Variants in GRIP1 observed in about 807,000 individuals in gnomAD.
GRIP1 encodes the protein glutamate receptor interacting protein 1, also known as glutamate receptor-interacting protein 1.
In GRIP1, 45 loss-of-function variants were observed where a neutral mutation model predicts 129.9. The observed-to-expected ratio is 0.35, with a 90% CI of 0.27 to 0.44. The LOEUF (loss-of-function observed/expected upper bound fraction) is 0.44. GRIP1 is among the 20% of genes least tolerant of loss of function. GRIP1 has a pLI of 1.00. For missense variants in GRIP1, 1,196 were observed against 1,396.8 expected (o/e 0.86, Z 2.29); for synonymous variants, 530 against 520.8 (o/e 1.02, Z -0.24).
At chr12:67,026,368 G>C (rs1365939824) in intron 1 of GRIP1, among the ~76,000 whole-genome samples, 1 of 151,992 alleles carries the variant, frequency 6.6e-6, no homozygotes, top group Non-Finnish European at 1.5e-5. Context: ...TCTCAAGCTT[G>C]TTTTCTACTT....
intron 1 of GRIP1, among the ~76,000 whole-genome samples, chr12:66,737,361 G>T (rs2036638474): frequency 6.6e-6 from 1 of 152,080 alleles, no homozygotes; most frequent in South Asian, 2.1e-4. Flanking sequence ...TCAGCTCATT[G>T]CAACCTCCGC....
chr12:66,834,503 C>T (rs2039575150), intron 1 of GRIP1, among the ~76,000 whole-genome samples: 1 of 152,106 alleles, frequency 6.6e-6, no homozygotes, highest in South Asian at 2.1e-4. Flanking sequence ...AATTAAGGGT[C>T]GCCCTTAGGA....
intron 1 of GRIP1, among the ~76,000 whole-genome samples, chr12:66,617,637 T>A (rs991606456): frequency 6.6e-6 from 1 of 152,062 alleles, no homozygotes; most frequent in African/African-American, 2.4e-5. Context: ...AGCTCAGTTT[T>A]TAAGATATTC....
At position 66,541,836 on chromosome 12, in the gene GRIP1, C is replaced by T. The variant is rs367921418; in HGVS notation, c.251G>A (p.Arg84Gln). The change falls in exon 3 of 25, where the codon CGG becomes CAG. Residue 84 changes from arginine to glutamine, a missense_variant. Physicochemically the swap from Arg to Gln is conservative, Grantham distance 43. Around this residue, in one of 5 missense-constraint regions of GRIP1, gnomAD observed 217 missense variants for 224.8 expected, o/e 0.97. Coordinates refer to ENST00000359742, the MANE Select transcript of GRIP1 (RefSeq NM_001366722.1). ...TTACCTAGCAGCAATTCCTCCTTGC[C>T]GCAGATTAGATACTCTTGGCTTGCC... Reference protein sequence around the residue: ...KDGKPRVSNLRQGGIAARSDQ... With the variant: ...KDGKPRVSNLQQGGIAARSDQ... 3.7e-6 allele frequency: 6 copies of T among 1,613,974 alleles called. No homozygotes were observed. Among genetic ancestry groups the T allele is most frequent in the Non-Finnish European group, 5.1e-6 (6 of 1,179,880 alleles).
rs188172700 is a variant in GRIP1 at position 66,553,192 on chromosome 12, G to A, written c.137-11242C>T. 5.3e-5 allele frequency among the ~76,000 whole-genome samples: 8 copies of A among 152,282 alleles called. No homozygotes were observed. In the East Asian group the frequency reaches 1.5e-3, roughly 29 times the overall value. ...ATGAGCAGATAAAGCAGTCACTACTGTTTCCTCTTTGATGCCATCCATCCT... is the reference window on the plus strand; with the variant it reads ...ATGAGCAGATAAAGCAGTCACTACTATTTCCTCTTTGATGCCATCCATCCT... On this transcript the variant is annotated intron_variant, in intron 2 of 24. Coordinates refer to ENST00000359742, the MANE Select transcript of GRIP1 (RefSeq NM_001366722.1).
At chr12:66,959,566 T>C (rs888746744) in intron 1 of GRIP1, among the ~76,000 whole-genome samples, 9 of 152,156 alleles carry the variant, frequency 5.9e-5, no homozygotes, top group African/African-American at 2.2e-4. Flanking sequence ...ATACAGTACA[T>C]TTTCTTGCCA....
chr12:66,638,215 A>G (rs57730465), intron 1 of GRIP1, among the ~76,000 whole-genome samples: 30,004 of 152,194 alleles, frequency 0.2, 3,087 homozygotes, highest in Non-Finnish European at 0.23. Context: ...GGTTATGAAT[A>G]TTGAAACCCC....
At chr12:66,956,373 T>C (rs1270338534) in intron 1 of GRIP1, among the ~76,000 whole-genome samples, 1 of 152,164 alleles carries the variant, frequency 6.6e-6, no homozygotes, top group African/African-American at 2.4e-5. Flanking sequence ...TACCCTCTCA[T>C]TTCAATATAC....
chr12:66,552,497 G>C lies in GRIP1; in HGVS notation c.137-10547C>G, dbSNP rs550410136. On this transcript the variant is annotated intron_variant, in intron 2 of 24. Coordinates refer to ENST00000359742, the MANE Select transcript of GRIP1 (RefSeq NM_001366722.1). ...AAGAAGGGCATACTACCATTTTATA[G>C]ATTAGGGACACTGAGACTTGAAAAT... 1.3e-5 allele frequency among the ~76,000 whole-genome samples: 2 copies of C among 152,256 alleles called. 1 individual carries two copies. Among genetic ancestry groups the C allele is most frequent in the South Asian group, 4.1e-4 (2 of 4,820 alleles).
intron 1 of GRIP1, among the ~76,000 whole-genome samples, chr12:66,786,824 G>C (rs561200773): frequency 6.6e-6 from 1 of 152,218 alleles, no homozygotes; most frequent in Admixed American, 6.5e-5. Flanking sequence ...CAGCACTAAG[G>C]CTTAACAAAT....
intron 1 of GRIP1, among the ~76,000 whole-genome samples, chr12:66,627,156 A>T (rs2030173701): frequency 6.6e-6 from 1 of 152,148 alleles, no homozygotes; most frequent in Non-Finnish European, 1.5e-5. Flanking sequence ...TACAAATACT[A>T]TATTACTATT....
At chr12:66,881,035 G>A (rs1158033495) in intron 1 of GRIP1, among the ~76,000 whole-genome samples, 1 of 151,584 alleles carries the variant, frequency 6.6e-6, no homozygotes, top group Admixed American at 6.6e-5. Context: ...GGTGTCTCAG[G>A]TAAGTAATAA....
At chr12:66,433,751 T>C (rs2058218723) in intron 13 of GRIP1, among the ~76,000 whole-genome samples, 1 of 152,178 alleles carries the variant, frequency 6.6e-6, no homozygotes, top group African/African-American at 2.4e-5. Context: ...TTCTGATGGT[T>C]TTGGAAAGAA....
chr12:66,795,286 A>C (rs2038662882), intron 1 of GRIP1, among the ~76,000 whole-genome samples: 2 of 152,218 alleles, frequency 1.3e-5, no homozygotes, highest in Non-Finnish European at 2.9e-5. Flanking sequence ...CTTACATTTG[A>C]CATGTGCCTA....
chr12:66,758,055 GA>G (rs910410353), intron 1 of GRIP1, among the ~76,000 whole-genome samples: 65 of 152,044 alleles, frequency 4.3e-4, no homozygotes, highest in African/African-American at 1.5e-3. Context: ...CAAAATCTGT[GA>G]AAAAAACAAC....
At chr12:67,062,656 T>C (rs1341778997) in intron 1 of GRIP1, among the ~76,000 whole-genome samples, 2 of 152,190 alleles carry the variant, frequency 1.3e-5, no homozygotes, top group East Asian at 3.9e-4. Context: ...ACAACTATAC[T>C]TAATAATCTC....
chr12:66,805,308 C>T (rs570663434), upstream of GRIP1, among the ~76,000 whole-genome samples: 7 of 152,196 alleles, frequency 4.6e-5, no homozygotes, highest in East Asian at 1.4e-3. Flanking sequence ...TTTTTAAGAA[C>T]CACAATCAGA....
At chr12:66,500,904 G>T (rs2060374580) in intron 7 of GRIP1, among the ~76,000 whole-genome samples, 1 of 152,210 alleles carries the variant, frequency 6.6e-6, no homozygotes, top group African/African-American at 2.4e-5. Flanking sequence ...TTAAAAGTAT[G>T]ATCTCAACCT....
Position 66,465,568 on chromosome 12 carries a change from A to T in GRIP1, c.725-146T>A, listed in dbSNP as rs1184076573. The T allele has an allele frequency of 4.3e-6, 3 of 695,440 alleles. No individual in the cohort carries two copies. In the East Asian group the frequency reaches 8.3e-5, roughly 19 times the overall value. The allele number at this position is 695,440 out of a possible 1,614,324, so 43.1% of individuals were successfully genotyped here. On this transcript the variant is annotated intron_variant, in intron 7 of 24. Coordinates refer to ENST00000359742, the MANE Select transcript of GRIP1 (RefSeq NM_001366722.1). ...ATTTCCCTCCATATAATATCCCCAC[A>T]GCCAATAATAAATTCATAGGGCACC...
Sources: allele counts gnomAD v4.1 joint callset (sites outside exome capture counted in the v4.1 genomes callset), GRCh38; gene constraint gnomAD v4.1.1; regional missense constraint gnomAD v4.1.1; transcripts MANE v1.5; gene names NCBI Gene and HGNC (gene_info 2026-07-23, HGNC 2026-07-21).